AKAP6: variants seen among roughly 807,000 people sequenced by gnomAD.
AKAP6 encodes A-kinase anchoring protein 6, also known as A-kinase anchor protein 6.
A neutral mutation model predicts 188.5 loss-of-function variants in AKAP6; 58 were observed. The observed-to-expected ratio is 0.31, with a 90% CI of 0.25 to 0.38. AKAP6 has a LOEUF of 0.38. Ranked by LOEUF, AKAP6 falls within the 10% of genes least tolerant of loss-of-function variation. The pLI, the probability that AKAP6 is intolerant of heterozygous loss-of-function variation, is 1.00. For synonymous variants in AKAP6, 989 were observed against 998.6 expected, an observed-to-expected ratio of 0.99 and a Z score of 0.18; for missense variants, 2,710 against 2,740.0, an observed-to-expected ratio of 0.99 and a Z score of 0.24.
chr14:32,690,767 C>A (rs1042572549), intron 8 of AKAP6, among the ~76,000 whole-genome samples: 7 of 152,128 alleles, frequency 4.6e-5, no homozygotes, highest in Non-Finnish European at 1.0e-4. Flanking sequence ...GAAAAACTGA[C>A]TTCAAGTTAG....
intron 1 of AKAP6, among the ~76,000 whole-genome samples, chr14:32,405,176 C>A (rs1889246664): frequency 1.3e-5 from 2 of 152,030 alleles, no homozygotes; most frequent in African/African-American, 4.8e-5. Flanking sequence ...GCAGCAAATG[C>A]CATTCTGGGA....
intron 8 of AKAP6, among the ~76,000 whole-genome samples, chr14:32,681,996 C>T (rs1889697760): frequency 6.6e-6 from 1 of 152,156 alleles, no homozygotes; most frequent in Non-Finnish European, 1.5e-5. Context: ...CAGAAGCTCA[C>T]AGTTTGTTAG....
chr14:32,441,985 G>A (rs1890590411), intron 2 of AKAP6, among the ~76,000 whole-genome samples: 1 of 152,154 alleles, frequency 6.6e-6, no homozygotes, highest in Admixed American at 6.5e-5. Context: ...AGCTCTCACT[G>A]AACAACAATA....
chr14:32,710,627 C>T (rs951113459), intron 9 of AKAP6, among the ~76,000 whole-genome samples: 5 of 151,952 alleles, frequency 3.3e-5, no homozygotes, highest in Non-Finnish European at 7.4e-5. Context: ...ACAGCCATGG[C>T]GCTACACAAA....
chr14:32,771,029 A>C (rs531058761), intron 11 of AKAP6, among the ~76,000 whole-genome samples: 1 of 152,328 alleles, frequency 6.6e-6, no homozygotes, highest in Middle Eastern at 3.4e-3. Flanking sequence ...CTATCTATGC[A>C]TATTTTATTA....
At chr14:32,362,530 T>C (rs1887697984) in intron 1 of AKAP6, among the ~76,000 whole-genome samples, 1 of 152,136 alleles carries the variant, frequency 6.6e-6, no homozygotes. Flanking sequence ...CATGCTTGTA[T>C]GTATGTTTGA....
At chr14:32,384,779 T>G (rs1888474383) in intron 1 of AKAP6, among the ~76,000 whole-genome samples, 1 of 152,170 alleles carries the variant, frequency 6.6e-6, no homozygotes, top group Admixed American at 6.6e-5. Context: ...GGGGCATGAT[T>G]GTCACTGGCA....
chr14:32,407,650 T>C (rs1324157402), intron 1 of AKAP6, among the ~76,000 whole-genome samples: 1 of 152,216 alleles, frequency 6.6e-6, no homozygotes, highest in African/African-American at 2.4e-5. Context: ...CTATCTCTCC[T>C]TCTCATTTCA....
intron 12 of AKAP6, among the ~76,000 whole-genome samples, chr14:32,799,007 T>C (rs2140081354): frequency 6.6e-6 from 1 of 152,362 alleles, no homozygotes. Flanking sequence ...AGTTTAGTTA[T>C]GCTATTGTAG....
At chr14:32,779,106 C>G (rs2033158713) in intron 12 of AKAP6, among the ~76,000 whole-genome samples, 2 of 151,648 alleles carry the variant, frequency 1.3e-5, no homozygotes, top group South Asian at 4.2e-4. Flanking sequence ...TATGAGAAAC[C>G]CAATTTAGGC....
At chr14:32,548,967 T>C (rs529339035) in intron 4 of AKAP6, among the ~76,000 whole-genome samples, 14 of 152,316 alleles carry the variant, frequency 9.2e-5, no homozygotes, top group Non-Finnish European at 1.6e-4. Flanking sequence ...AGCATTGTGC[T>C]AGACACTGGA....
intron 11 of AKAP6, among the ~76,000 whole-genome samples, chr14:32,740,054 G>A (rs2031606390): frequency 6.6e-6 from 1 of 151,842 alleles, no homozygotes; most frequent in Non-Finnish European, 1.5e-5. Flanking sequence ...CTGTCTTTTG[G>A]ATAAAAGCCA....
chr14:32,403,827 A>G (rs1279999099), intron 1 of AKAP6, among the ~76,000 whole-genome samples: 2 of 152,242 alleles, frequency 1.3e-5, no homozygotes, highest in African/African-American at 4.8e-5. Flanking sequence ...AATACCGATT[A>G]GCCATGGTAA....
intron 2 of AKAP6, among the ~76,000 whole-genome samples, chr14:32,533,377 A>G (rs1882515238): frequency 6.6e-6 from 1 of 152,196 alleles, no homozygotes; most frequent in Non-Finnish European, 1.5e-5. Context: ...GCTAAAAGGC[A>G]TTGAGGCCAG....
At chr14:32,740,487 A>G (rs1341447280) in intron 11 of AKAP6, among the ~76,000 whole-genome samples, 1 of 152,002 alleles carries the variant, frequency 6.6e-6, no homozygotes, top group Non-Finnish European at 1.5e-5. Context: ...GTTTTCTTGT[A>G]TTAGTTTCAT....
At chr14:32,786,506 A>C (rs981954782) in intron 12 of AKAP6, among the ~76,000 whole-genome samples, 9 of 150,626 alleles carry the variant, frequency 6.0e-5, no homozygotes, top group African/African-American at 2.2e-4. Flanking sequence ...TTTTATTTTT[A>C]GTAGAGATGG....
intron 7 of AKAP6, among the ~76,000 whole-genome samples, chr14:32,673,884 G>T (rs1889323118): frequency 6.6e-6 from 1 of 152,118 alleles, no homozygotes; most frequent in Non-Finnish European, 1.5e-5. Context: ...TATGGAGTTT[G>T]GGGTCTAGAA....
At chr14:32,744,116 C>A (rs1566681214) in intron 11 of AKAP6, among the ~76,000 whole-genome samples, 1 of 152,040 alleles carries the variant, frequency 6.6e-6, no homozygotes, top group Non-Finnish European at 1.5e-5. Context: ...TTTCTCCTGG[C>A]CTGTAAGGTT....
chr14:32,797,825 C>T (rs2033817648), intron 12 of AKAP6, among the ~76,000 whole-genome samples: 1 of 150,990 alleles, frequency 6.6e-6, no homozygotes, highest in African/African-American at 2.4e-5. Context: ...CAGTAAATGC[C>T]TTTCTGGACA....
Sources: gnomAD v4.1 joint callset for allele counts (sites outside exome capture counted in the v4.1 genomes callset) on GRCh38, gnomAD v4.1.1 for gene constraint, MANE v1.5 for transcripts, NCBI Gene and HGNC (gene_info 2026-07-23, HGNC 2026-07-21) for gene names.